VTI1A: variants seen among roughly 807,000 people sequenced by gnomAD.
The protein encoded by VTI1A is vesicle transport through interaction with t-SNAREs homolog 1A.
VTI1A carries 22 observed loss-of-function variants against 34.9 expected under a neutral mutation model. The observed-to-expected ratio is 0.63, with a 90% CI of 0.45 to 0.90. The LOEUF is 0.90. VTI1A is among the 40% of genes least tolerant of loss of function. The pLI is 0.00. For missense variants in VTI1A, 268 were observed against 275.6 expected (o/e 0.97, Z 0.20); for synonymous variants, 87 against 97.3 (o/e 0.89, Z 0.62).
chr10:112,720,634 C>A lies in VTI1A; in HGVS notation c.560+51636C>A, dbSNP rs957529465. Among the ~76,000 whole-genome samples the A allele has an allele frequency of 1.1e-4, 12 of 106,732 alleles. No individual in the cohort carries two copies. The East Asian group carries it at 3.1e-3, about 27-fold the overall frequency. The allele number at this position is 106,732 out of a possible 152,430, so 70.0% of individuals were successfully genotyped here. ...GGAGGGATTTTCAAACAAATGTATACGTTGAAGATGTTCTTTTTACCATGG... is the reference window on the plus strand; with the variant it reads ...GGAGGGATTTTCAAACAAATGTATAAGTTGAAGATGTTCTTTTTACCATGG... On this transcript the variant is annotated intron_variant, in intron 7 of 7. Coordinates refer to ENST00000393077, the MANE Select transcript of VTI1A (RefSeq NM_145206.4).
At chr10:112,755,260 A>AAAAG (rs143000248) in intron 7 of VTI1A, among the ~76,000 whole-genome samples, 10,175 of 151,540 alleles carry the variant, frequency 0.067, 451 homozygotes, top group Middle Eastern at 0.18. Flanking sequence ...TCTCAAAAAA[A>AAAAG]AAAGAAAGAA....
intron 2 of VTI1A, 127 bp from the exon 3 acceptor site, chr10:112,464,420 C>A: frequency 1.3e-6 from 1 of 743,216 alleles, no homozygotes; most frequent in South Asian, 1.9e-5. Flanking sequence ...TTTGATCATT[C>A]AGCACCCTGA....
At chr10:112,638,476 C>A (rs906920114) in intron 5 of VTI1A, among the ~76,000 whole-genome samples, 1 of 152,096 alleles carries the variant, frequency 6.6e-6, no homozygotes, top group Admixed American at 6.6e-5. Flanking sequence ...TTATAGCAAT[C>A]CCCTAAATAT....
the VTI1A span, chr10:112,827,179 C>T: frequency 2.6e-5 from 4 of 152,346 alleles, no homozygotes; most frequent in South Asian, 2.1e-4. Context: ...GATTAGAACC[C>T]GTGTAGTACA....
intron 3 of VTI1A, among the ~76,000 whole-genome samples, chr10:112,525,792 G>A (rs1046932431): frequency 1.3e-5 from 2 of 152,164 alleles, no homozygotes; most frequent in Non-Finnish European, 2.9e-5. Flanking sequence ...GGTTGTTCTT[G>A]TCTAAGGTTC....
chr10:112,738,386 A>G (rs1408817), intron 7 of VTI1A, among the ~76,000 whole-genome samples: 109,593 of 152,106 alleles, frequency 0.72, 40,154 homozygotes, highest in East Asian at 0.87. Flanking sequence ...GTCAGTTTAT[A>G]TTATGGATTG....
intron 5 of VTI1A, among the ~76,000 whole-genome samples, chr10:112,628,557 A>G (rs1033922): frequency 0.58 from 88,334 of 151,976 alleles, 26,756 homozygotes; most frequent in African/African-American, 0.76. Flanking sequence ...CATATTTTAC[A>G]GATTTCCATG....
chr10:112,524,715 A>G (rs539145146), intron 3 of VTI1A, among the ~76,000 whole-genome samples: 8 of 152,156 alleles, frequency 5.3e-5, no homozygotes, highest in African/African-American at 1.9e-4. Flanking sequence ...TGAACAATCT[A>G]TGCCAATTTG....
At chr10:112,787,378 C>A (rs1366614722) in intron 7 of VTI1A, among the ~76,000 whole-genome samples, 2 of 151,840 alleles carry the variant, frequency 1.3e-5, no homozygotes, top group Non-Finnish European at 2.9e-5. Flanking sequence ...CTATTATTTT[C>A]TACTTTCTAT....
Position 112,527,079 on chromosome 10 carries a change from T to C in VTI1A, c.265-8T>C. 6.2e-7 allele frequency: 1 copy of C among 1,612,364 alleles called. No homozygotes were observed. The highest frequency in any genetic ancestry group is 1.3e-5 in the African/African-American group (1 of 74,976). ...TCTCACTCTCTCCCTTTTTGTTTTGTTTTATAGAAAAGGTCACGGATCGCC... is the reference window on the plus strand; with the variant it reads ...TCTCACTCTCTCCCTTTTTGTTTTGCTTTATAGAAAAGGTCACGGATCGCC... On this transcript the variant is annotated splice_polypyrimidine_tract_variant and splice_region_variant and intron_variant, in intron 3 of 7. Coordinates refer to ENST00000393077, the MANE Select transcript of VTI1A (RefSeq NM_145206.4).
intron 5 of VTI1A, among the ~76,000 whole-genome samples, chr10:112,635,802 A>G (rs768042471): frequency 2.0e-5 from 3 of 152,236 alleles, no homozygotes; most frequent in Non-Finnish European, 4.4e-5. Context: ...GACCCACTTG[A>G]TTCGCCCACA....
rs569106441 is a variant in VTI1A at position 112,623,606 on chromosome 10, A to G, written c.428-44612A>G. On this transcript the variant is annotated intron_variant, in intron 5 of 7. Coordinates refer to ENST00000393077, the MANE Select transcript of VTI1A (RefSeq NM_145206.4). ...TGTGGCCAGGGGCACATTCTCCCCAACAGGTCTTAGAACAAGAGATTGGGG... is the reference window on the plus strand; with the variant it reads ...TGTGGCCAGGGGCACATTCTCCCCAGCAGGTCTTAGAACAAGAGATTGGGG... Among the ~76,000 whole-genome samples the G allele has an allele frequency of 2.3e-4, 35 of 152,158 alleles. No homozygotes were observed. The South Asian group carries it at 4.2e-3, about 18-fold the overall frequency.
intron 3 of VTI1A, among the ~76,000 whole-genome samples, chr10:112,523,573 G>GTT (rs780112810): frequency 2.6e-4 from 40 of 152,040 alleles, no homozygotes; most frequent in Non-Finnish European, 7.4e-5. Flanking sequence ...CTCTGTGTAT[G>GTT]TTGTGTGTGT....
chr10:112,457,859 C>T (rs1445784874), intron 1 of VTI1A, among the ~76,000 whole-genome samples: 1 of 151,926 alleles, frequency 6.6e-6, no homozygotes, highest in African/African-American at 2.4e-5. Flanking sequence ...GCCATGGGAG[C>T]CAGTAGAGGA....
intron 7 of VTI1A, among the ~76,000 whole-genome samples, chr10:112,805,147 G>A (rs189814827): frequency 8.9e-4 from 135 of 152,022 alleles, no homozygotes; most frequent in African/African-American, 2.9e-3. Flanking sequence ...GATTACAGTC[G>A]TGAGCCACTG....
intron 5 of VTI1A, among the ~76,000 whole-genome samples, chr10:112,601,178 A>T (rs1277343300): frequency 6.6e-6 from 1 of 152,116 alleles, no homozygotes; most frequent in Non-Finnish European, 1.5e-5. Context: ...TAGCATTTTG[A>T]TATGTGGGAC....
chr10:112,828,239 C>T, the VTI1A span, among the ~76,000 whole-genome samples: 1,326 of 152,120 alleles, frequency 8.7e-3, 20 homozygotes, highest in African/African-American at 0.03. Context: ...TGTGCAGAGT[C>T]CTCATGATTC....
chr10:112,523,316 G>C (rs550521833), intron 3 of VTI1A, among the ~76,000 whole-genome samples: 1 of 152,000 alleles, frequency 6.6e-6, no homozygotes, highest in Non-Finnish European at 1.5e-5. Flanking sequence ...ATCGAAAATC[G>C]CCTTGAATCC....
intron 7 of VTI1A, among the ~76,000 whole-genome samples, chr10:112,813,182 G>A (rs1853379180): frequency 1.3e-5 from 2 of 152,214 alleles, no homozygotes; most frequent in African/African-American, 4.8e-5. Flanking sequence ...ACCAAGGAGG[G>A]GGTGAAGCCC....
Sources: gnomAD v4.1 joint callset for allele counts (sites outside exome capture counted in the v4.1 genomes callset) on GRCh38, gnomAD v4.1.1 for gene constraint, MANE v1.5 for transcripts, NCBI Gene and HGNC (gene_info 2026-07-23, HGNC 2026-07-21) for gene names.